The following MROH1 variants were observed in gnomAD, a reference collection of about 807,000 sequenced individuals.
MROH1 encodes the protein maestro heat-like repeat-containing protein family member 1.
In MROH1, 117 loss-of-function variants were observed where a neutral mutation model predicts 116.5. That is an observed-to-expected ratio of 1.00 (90% CI 0.86 to 1.17). The LOEUF is 1.17. MROH1 is among the 50% of genes most tolerant of loss of function. The pLI, the probability that MROH1 is intolerant of heterozygous loss-of-function variation, is 0.00. For synonymous variants in MROH1, 921 were observed against 583.9 expected (o/e 1.58, Z -8.32); for missense variants, 1,873 against 1,338.5 (o/e 1.40, Z -6.23).
chr8:144,235,898 A>T (rs975933956), intron 14 of MROH1, among the ~76,000 whole-genome samples: 1 of 152,350 alleles, frequency 6.6e-6, no homozygotes, highest in East Asian at 1.9e-4. Flanking sequence ...GTGTCCCTTT[A>T]TCACTGACTA....
At chr8:144,185,957 A>C (rs1245456805) in intron 7 of MROH1, among the ~76,000 whole-genome samples, 2 of 151,374 alleles carry the variant, frequency 1.3e-5, no homozygotes, top group Non-Finnish European at 2.9e-5. Context: ...AGGGCCGCCG[A>C]GGGGACCGCG....
At chr8:144,150,631 A>G (rs1316627286) in intron 1 of MROH1, among the ~76,000 whole-genome samples, 1 of 152,220 alleles carries the variant, frequency 6.6e-6, no homozygotes, top group African/African-American at 2.4e-5. Context: ...TGTAGCCTAC[A>G]AATAGAGGAG....
At chr8:144,160,688 T>A (rs1819299723) in intron 1 of MROH1, among the ~76,000 whole-genome samples, 1 of 150,380 alleles carries the variant, frequency 6.6e-6, no homozygotes, top group Non-Finnish European at 1.5e-5. Flanking sequence ...CATAAAGTTC[T>A]TGGAGTCAGA....
In MROH1 at chr8:144,199,154, G is replaced by C; in HGVS notation, c.981G>C (p.Leu327=). 3.1e-6 allele frequency: 5 copies of C among 1,613,816 alleles called. No homozygotes were observed. The highest frequency in any genetic ancestry group is 4.2e-6 in the Non-Finnish European group (5 of 1,179,832). The stretch of plus-strand genomic sequence containing the variant: ...TGCCTGTGGAGTCCTCAAGCCCCCT[G>C]GTGATGAGTAACCAGAAGGAGGTGC... The part of the protein sequence containing the change: ...ICVPVESSSP[L]VMSNQKEVLR... Residue 327 remains leucine (L), a synonymous_variant, in exon 11 of 44, where the codon CTG becomes CTC. Transcript: ENST00000326134.
intron 34 of MROH1, 72 bp downstream of exon 34, chr8:144,255,050 C>T (rs1843456282): frequency 1.3e-5 from 9 of 682,476 alleles, no homozygotes; most frequent in East Asian, 5.4e-5. Flanking sequence ...GGGGGCAGGC[C>T]TTTTGATGAG....
intron 4 of MROH1, among the ~76,000 whole-genome samples, chr8:144,169,234 G>A (rs1470781729): frequency 6.6e-6 from 1 of 152,088 alleles, no homozygotes; most frequent in Non-Finnish European, 1.5e-5. Context: ...TATTCTTTTT[G>A]TTTTATTTAA....
intron 33 of MROH1, among the ~76,000 whole-genome samples, chr8:144,253,730 C>T (rs1298767694): frequency 4.6e-5 from 7 of 152,000 alleles, no homozygotes; most frequent in African/African-American, 1.7e-4. Flanking sequence ...CCTTTGTTTA[C>T]TTGAGAATGT....
chr8:144,247,644 G>T lies in MROH1; in HGVS notation c.3085G>T (p.Ala1029Ser). 1.3e-6 allele frequency: 1 copy of T among 768,742 alleles called. No homozygotes were observed. The highest frequency in any genetic ancestry group is 1.4e-5 in the South Asian group (1 of 73,840). 47.6% of individuals were successfully genotyped at this position (768,742 alleles called of 1,614,324 possible). Residue 1029 changes from alanine to serine, a missense_variant, in exon 31 of 44, where the codon GCC (alanine) becomes TCC (serine). Ala to Ser is a moderately conservative substitution (Grantham distance 99). Coordinates refer to ENST00000326134, the MANE Select transcript of MROH1 (RefSeq NM_032450.3). ...LKDGLVHPDP[A>S]ILFHTCHSVG... ...GGACGGCCTCGTGCACCCTGACCCCGCCATTCTCTTCCACACCTGCCACAG... is the reference window on the plus strand; with the variant it reads ...GGACGGCCTCGTGCACCCTGACCCCTCCATTCTCTTCCACACCTGCCACAG...
At chr8:144,191,051 G>A in intron 8 of MROH1, 116 bp downstream of exon 8, 16 of 1,144,942 alleles carry the variant, frequency 1.4e-5, no homozygotes, top group Non-Finnish European at 1.9e-5. Context: ...AAGCAGAGGT[G>A]CCCAATGGGA....
chr8:144,180,463 TC>T lies in MROH1; in HGVS notation c.505del (p.Leu169CysfsTer32). 1 of 1,612,764 alleles carries T rather than the reference TC, an allele frequency of 6.2e-7. No homozygotes were observed. The stretch of plus-strand genomic sequence containing the variant: ...CCCCTTCCTGCCATCCGTCCTGAGC[TC>T]CCTGCTGCCCGTGCTGGGCGTGGCC... ...VVPFLPSVLS[S>X]LLPVLGVAKQ... On this transcript the variant is annotated frameshift_variant, in exon 7 of 44. Coordinates refer to ENST00000326134, the MANE Select transcript of MROH1 (RefSeq NM_032450.3). LOFTEE classifies it high-confidence loss of function. The surrounding 1 kb of genome is among the most constrained non-coding windows in gnomAD (Gnocchi z 7.4).
intron 12 of MROH1, among the ~76,000 whole-genome samples, chr8:144,204,340 G>A (rs984734610): frequency 1.3e-5 from 2 of 152,158 alleles, no homozygotes; most frequent in African/African-American, 2.4e-5. Context: ...TCAAACTCCT[G>A]GGTTCAAGTG....
rs150241428 is a variant in MROH1 at position 144,163,107 on chromosome 8, G to A, written c.-56-664G>A. On this transcript the variant is annotated intron_variant, in intron 2 of 43. Transcript: ENST00000326134. The surrounding 1 kb of genome is among the most constrained non-coding windows in gnomAD (Gnocchi z 4.4). ...CCTGGCTGGTCAGGGATGGGTCATGGTGTCTCTCCTTCATTTTTCTCTGGA... is the reference window on the plus strand; with the variant it reads ...CCTGGCTGGTCAGGGATGGGTCATGATGTCTCTCCTTCATTTTTCTCTGGA... 1.2e-3 allele frequency among the ~76,000 whole-genome samples: 176 copies of A among 152,300 alleles called. 2 individuals carry two copies. In the East Asian group the frequency reaches 0.013, roughly 11 times the overall value.
chr8:144,255,913 G>GC (rs1169412186), intron 35 of MROH1, among the ~76,000 whole-genome samples: 5 of 152,220 alleles, frequency 3.3e-5, no homozygotes, highest in Non-Finnish European at 7.3e-5. Context: ...GGCTGTGAAG[G>GC]CCTCCCTCCT....
chr8:144,247,326 G>A lies in MROH1; in HGVS notation c.2897G>A (p.Gly966Asp). Reference protein sequence around the residue: ...VSALVPFHNLGLLIGLFSPRC... With the variant: ...VSALVPFHNLDLLIGLFSPRC... ...GCCCTGGTGCCCTTCCACAACCTGG[G>A]CCTTCTCATCGGCCTCTTCTCCCCA... Residue 966 changes from glycine (G) to aspartate (D), a missense_variant, in exon 30 of 44, where the codon GGC becomes GAC. Coordinates refer to ENST00000326134, the MANE Select transcript of MROH1 (RefSeq NM_032450.3). 1.3e-6 allele frequency: 1 copy of A among 773,028 alleles called. No homozygotes were observed. The highest frequency in any genetic ancestry group is 2.4e-6 in the Non-Finnish European group (1 of 416,168). The allele number at this position is 773,028 out of a possible 1,614,324, so 47.9% of individuals were successfully genotyped here.
intron 1 of MROH1, among the ~76,000 whole-genome samples, chr8:144,150,710 A>G (rs1816514824): frequency 6.6e-6 from 1 of 152,164 alleles, no homozygotes; most frequent in Non-Finnish European, 1.5e-5. Context: ...ATGCCTGCTC[A>G]TGGCTTACTG....
At chr8:144,166,811 G>A (rs1820954194) in intron 3 of MROH1, among the ~76,000 whole-genome samples, 1 of 152,194 alleles carries the variant, frequency 6.6e-6, no homozygotes, top group Admixed American at 6.5e-5. Flanking sequence ...CAGAGCACGT[G>A]AGACCTGGTG....
At chr8:144,196,265 G>A (rs188040877) in intron 10 of MROH1, among the ~76,000 whole-genome samples, 227 of 149,992 alleles carry the variant, frequency 1.5e-3, no homozygotes, top group African/African-American at 5.3e-3. Context: ...ATTCCAGCCC[G>A]GGTGACAGAG....
intron 4 of MROH1, among the ~76,000 whole-genome samples, chr8:144,171,485 C>T (rs980397590): frequency 2.0e-5 from 3 of 152,164 alleles, no homozygotes; most frequent in Admixed American, 6.5e-5. Flanking sequence ...TGCTCAGTTG[C>T]GCTCATGCTC....
chr8:144,255,787 G>T (rs935936983), intron 35 of MROH1, 82 bp downstream of exon 35: 5 of 680,778 alleles, frequency 7.3e-6, no homozygotes, highest in African/African-American at 7.1e-5. Flanking sequence ...GGGGGCGGAC[G>T]GCAGATCTGA....
Sources: gnomAD v4.1 joint callset for allele counts (sites outside exome capture counted in the v4.1 genomes callset) on GRCh38, gnomAD v4.1.1 for gene constraint, Gnocchi (gnomAD v3.1) non-coding constraint, MANE v1.5 for transcripts, NCBI Gene and HGNC (gene_info 2026-07-23, HGNC 2026-07-21) for gene names.